Variants in INTS3 observed in about 807,000 individuals in gnomAD.
The protein encoded by INTS3 is integrator complex subunit 3, also known as SOSS complex subunit A.
INTS3 carries 34 observed loss-of-function variants against 146.3 expected under a neutral mutation model. That is an observed-to-expected ratio of 0.23 (90% CI 0.18 to 0.31). The LOEUF (loss-of-function observed/expected upper bound fraction) is 0.31. Ranked by LOEUF, INTS3 falls within the 10% of genes least tolerant of loss-of-function variation. INTS3 has a pLI of 1.00. For synonymous variants in INTS3, 475 were observed against 494.9 expected (o/e 0.96, Z 0.53); for missense variants, 757 against 1,304.2 (o/e 0.58, Z 6.46).
intron 1 of INTS3, among the ~76,000 whole-genome samples, chr1:153,740,437 TC>T (rs1308334078): frequency 1.3e-5 from 2 of 152,336 alleles, no homozygotes; most frequent in South Asian, 4.1e-4. Flanking sequence ...TCACTTTTTT[TC>T]TTGCGATTTA....
chr1:153,762,952 G>A, intron 15 of INTS3, 105 bp downstream of exon 15: 1 of 1,451,038 alleles, frequency 6.9e-7, no homozygotes, highest in Non-Finnish European at 9.4e-7. Context: ...ATTCCTGTGA[G>A]TTAAAGTTTT....
At chr1:153,744,523 A>G (rs1168511306) in intron 3 of INTS3, among the ~76,000 whole-genome samples, 3 of 152,026 alleles carry the variant, frequency 2.0e-5, no homozygotes, top group African/African-American at 7.2e-5. Flanking sequence ...TGGTCTCCCA[A>G]CCATCAACCA....
rs1491428244 is a variant in INTS3 at position 153,731,577 on chromosome 1, C to CTTTTTTTTTTTTTTTTTTTT, written c.150+2794_150+2795insTTTTTTTTTTTTTTTTTTTT. 3.1e-5 allele frequency among the ~76,000 whole-genome samples: 4 copies of CTTTTTTTTTTTTTTTTTTTT among 129,230 alleles called. 2 individuals are homozygous for CTTTTTTTTTTTTTTTTTTTT. 84.8% of individuals were successfully genotyped at this position (129,230 alleles called of 152,430 possible). A position where few individuals can be genotyped will look rare whatever the true frequency, so the allele number is the denominator to read the frequency against. ...TGAAAGTGGGAGGCCCAAGAGCGTCCTCTTTTTTTTTTTTTTTTTTTTTGA... is the reference window on the plus strand; with the variant it reads ...TGAAAGTGGGAGGCCCAAGAGCGTCCTTTTTTTTTTTTTTTTTTTTTCTTTTTTTTTTTTTTTTTTTTTGA... On this transcript the variant is annotated intron_variant, in intron 1 of 29. Coordinates refer to ENST00000318967, the MANE Select transcript of INTS3 (RefSeq NM_023015.5).
At position 153,773,439 on chromosome 1, in the gene INTS3, T is replaced by G; in HGVS notation, c.*169T>G. ...TCTGGCTGAGTTTGAGAAGCTGCCA[T>G]GCAGCCCCTAGCCCCTTCCCTCCTC... On this transcript the variant is annotated 3_prime_UTR_variant, in exon 30 of 30. Coordinates refer to ENST00000318967, the MANE Select transcript of INTS3 (RefSeq NM_023015.5). The G allele has an allele frequency of 3.0e-6, 2 of 662,176 alleles. No individual in the cohort carries two copies. Among genetic ancestry groups the G allele is most frequent in the Non-Finnish European group, 5.4e-6 (2 of 368,938 alleles). 41.0% of individuals were successfully genotyped at this position (662,176 alleles called of 1,614,324 possible). A position where few individuals can be genotyped will look rare whatever the true frequency, so the allele number is the denominator to read the frequency against.
chr1:153,756,189 AC>A (rs1672154868), intron 9 of INTS3, among the ~76,000 whole-genome samples: 1 of 151,954 alleles, frequency 6.6e-6, no homozygotes, highest in South Asian at 2.1e-4. Context: ...TAGCCGGGCA[AC>A]ATGATGAAAC....
At chr1:153,763,921 G>C (rs769121279) in intron 17 of INTS3, 35 bp downstream of exon 17, 1 of 1,591,222 alleles carries the variant, frequency 6.3e-7, no homozygotes, top group East Asian at 2.2e-5. Flanking sequence ...GGAGGAAGCA[G>C]CCTAGCCTGC....
intron 22 of INTS3, 96 bp from the exon 23 acceptor site, chr1:153,769,673 T>C: frequency 1.3e-6 from 1 of 754,258 alleles, no homozygotes; most frequent in South Asian, 1.5e-5. Context: ...CTAATTTTTT[T>C]TTTTCCCTTA....
In INTS3 at chr1:153,772,989, C is replaced by T; in HGVS notation, c.2959C>T (p.Arg987Trp). The part of the protein sequence containing the change: ...EDSSTKPPKS[R>W]RKAALSSPRS... Reference sequence around the variant, plus strand: ...CTCTTCCACCAAGCCACCCAAGAGCCGGCGAAAAGCAGCTCTGTCCAGCCC... The same window carrying T: ...CTCTTCCACCAAGCCACCCAAGAGCTGGCGAAAAGCAGCTCTGTCCAGCCC... The change falls in exon 29 of 30, where the codon CGG becomes TGG. Residue 987 changes from arginine (R) to tryptophan (W), a missense_variant. Arg to Trp is a moderately radical substitution (Grantham distance 101). Coordinates refer to ENST00000318967, the MANE Select transcript of INTS3 (RefSeq NM_023015.5). The surrounding 1 kb of genome is among the most constrained non-coding windows in gnomAD (Gnocchi z 4.6). 3.7e-6 allele frequency: 6 copies of T among 1,614,138 alleles called. No homozygotes were observed. The highest frequency in any genetic ancestry group is 4.2e-6 in the Non-Finnish European group (5 of 1,180,024).
rs2101815552 is a variant in INTS3 at position 153,759,872 on chromosome 1, G to C, written c.1237+259G>C. ...AGGGGAGGGCATGGGCAAAGGAAAA[G>C]GCTGTACCATGTCCTGCTTCTCCTC... On this transcript the variant is annotated intron_variant, in intron 11 of 29. Coordinates refer to ENST00000318967, the MANE Select transcript of INTS3 (RefSeq NM_023015.5). The C allele has an allele frequency of 1.5e-5, 8 of 547,182 alleles. No individual in the cohort carries two copies. The South Asian group carries it at 2.0e-4, about 14-fold the overall frequency. The allele number at this position is 547,182 out of a possible 1,614,324, so 33.9% of individuals were successfully genotyped here. A position where few individuals can be genotyped will look rare whatever the true frequency, so the allele number is the denominator to read the frequency against.
At chr1:153,735,700 C>T (rs1026593994) in intron 1 of INTS3, among the ~76,000 whole-genome samples, 10 of 152,116 alleles carry the variant, frequency 6.6e-5, no homozygotes, top group African/African-American at 2.2e-4. Context: ...ATTGATTCCC[C>T]AGTCCGTGAT....
At chr1:153,733,259 C>T (rs1321604597) in intron 1 of INTS3, among the ~76,000 whole-genome samples, 1 of 110,098 alleles carries the variant, frequency 9.1e-6, no homozygotes, top group African/African-American at 3.6e-5. Context: ...GTCTCCCAGG[C>T]TGGAGTGTAG....
intron 3 of INTS3, among the ~76,000 whole-genome samples, chr1:153,744,033 ATGTGCGTG>A (rs1261903526): frequency 2.9e-5 from 3 of 102,282 alleles, no homozygotes; most frequent in African/African-American, 1.2e-4. Context: ...GAGGGTGTGC[ATGTGCGTG>A]TGTGTGTGTG....
At chr1:153,760,598 A>T (rs371893287) in intron 12 of INTS3, 1 of 622,664 alleles carries the variant, frequency 1.6e-6, no homozygotes, top group African/African-American at 1.8e-5. Context: ...GGGTTTCTCA[A>T]TCACAAGGAT....
Position 153,760,391 on chromosome 1 carries a change from G to A in INTS3, c.1317+1G>A. On this transcript the variant is annotated splice_donor_variant, in intron 12 of 29. Transcript: ENST00000318967. LOFTEE classifies it high-confidence loss of function. ...CACACTCCTGGACTTCATGTGCCGC[G>A]TAAGTGTTAGAGCTCTCTTTTCTCC... 6.2e-7 allele frequency: 1 copy of A among 1,612,224 alleles called. No homozygotes were observed. Among genetic ancestry groups the A allele is most frequent in the South Asian group, 1.1e-5 (1 of 91,008 alleles).
At position 153,728,869 on chromosome 1, in the gene INTS3, G is replaced by T. The variant is rs575980327; in HGVS notation, c.150+85G>T. The stretch of plus-strand genomic sequence containing the variant: ...GATACCGGGTGGGAGGACGGGGGGT[G>T]GGGGCGGGGGTGGAGGCTTTCAAGT... On this transcript the variant is annotated intron_variant, in intron 1 of 29. Coordinates refer to ENST00000318967, the MANE Select transcript of INTS3 (RefSeq NM_023015.5). 2.5e-5 allele frequency: 9 copies of T among 363,410 alleles called. No homozygotes were observed. The East Asian group carries it at 5.9e-4, about 24-fold the overall frequency. The allele number at this position is 363,410 out of a possible 1,614,324, so 22.5% of individuals were successfully genotyped here. A position where few individuals can be genotyped will look rare whatever the true frequency, so the allele number is the denominator to read the frequency against.
At chr1:153,743,583 G>A (rs920348633) in intron 3 of INTS3, among the ~76,000 whole-genome samples, 5 of 143,258 alleles carry the variant, frequency 3.5e-5, no homozygotes, top group Admixed American at 2.1e-4. Context: ...GGATGCATGG[G>A]GTGGATTTTG....
chr1:153,739,899 A>G (rs544046644), intron 1 of INTS3, among the ~76,000 whole-genome samples: 13 of 150,166 alleles, frequency 8.7e-5, no homozygotes, highest in South Asian at 4.2e-4. Flanking sequence ...GGTTCAAGCA[A>G]TTCTCCTGCC....
intron 3 of INTS3, among the ~76,000 whole-genome samples, chr1:153,743,934 A>G (rs1458908581): frequency 6.6e-6 from 1 of 151,770 alleles, no homozygotes; most frequent in African/African-American, 2.4e-5. Context: ...CTGACACATC[A>G]CTGCTCTTGA....
chr1:153,734,474 C>G (rs1671213207), intron 1 of INTS3, among the ~76,000 whole-genome samples: 1 of 152,192 alleles, frequency 6.6e-6, no homozygotes, highest in Non-Finnish European at 1.5e-5. Context: ...TTGCAGTTAT[C>G]CACCCATCCA....
Sources: gnomAD v4.1 joint callset for allele counts (sites outside exome capture counted in the v4.1 genomes callset) on GRCh38, gnomAD v4.1.1 for gene constraint, Gnocchi (gnomAD v3.1) non-coding constraint, MANE v1.5 for transcripts, NCBI Gene and HGNC (gene_info 2026-07-23, HGNC 2026-07-21) for gene names.